RBFOX1: variants seen among roughly 807,000 people sequenced by gnomAD.
RBFOX1 encodes RNA binding protein fox-1 homolog 1.
A neutral mutation model predicts 57.7 loss-of-function variants in RBFOX1; 8 were observed. The ratio of observed to expected loss-of-function variants is 0.14; its 90% confidence interval spans 0.08 to 0.25. The LOEUF (loss-of-function observed/expected upper bound fraction) is 0.25, where lower values mean the gene tolerates loss of function less well. Among genes scored for constraint, RBFOX1 ranks in the 10% least tolerant of loss-of-function variants. The pLI is 1.00. For missense variants in RBFOX1, 611 were observed against 548.5 expected (o/e 1.11, Z -1.14); for synonymous variants, 326 against 222.4 (o/e 1.47, Z -4.15).
At chr16:5,879,715 C>G (rs541040349) in intron 4 of RBFOX1, among the ~76,000 whole-genome samples, 126 of 152,276 alleles carry the variant, frequency 8.3e-4, no homozygotes, top group Non-Finnish European at 1.6e-3. Context: ...ATGGCCTACC[C>G]AAAGAGGCTT....
At chr16:7,710,292 G>A in intron 15 of RBFOX1, 2 of 1,140,212 alleles carry the variant, frequency 1.8e-6, no homozygotes, top group African/African-American at 1.6e-5. Context: ...TTCAACAACT[G>A]GTCCAAATTC....
At chr16:7,122,488 A>G (rs2067410369) in intron 4 of RBFOX1, among the ~76,000 whole-genome samples, 1 of 152,172 alleles carries the variant, frequency 6.6e-6, no homozygotes, top group South Asian at 2.1e-4. Flanking sequence ...ATCATTAGCT[A>G]TTCAGCAAGT....
intron 4 of RBFOX1, among the ~76,000 whole-genome samples, chr16:7,496,759 A>AAAAAAAAAAAG (rs1555517577): frequency 6.6e-6 from 1 of 151,538 alleles, no homozygotes; most frequent in Non-Finnish European, 1.5e-5. Context: ...AAAAAAAAAA[A>AAAAAAAAAAAG]CAGTTTGCAT....
At chr16:6,907,854 A>T (rs1428214408) in intron 3 of RBFOX1, among the ~76,000 whole-genome samples, 1 of 151,672 alleles carries the variant, frequency 6.6e-6, no homozygotes, top group Non-Finnish European at 1.5e-5. Flanking sequence ...GATTACAGGC[A>T]TGAGCCCCCA....
At chr16:7,698,202 G>GTT (rs1460783860) in intron 14 of RBFOX1, among the ~76,000 whole-genome samples, 1 of 146,174 alleles carries the variant, frequency 6.8e-6, no homozygotes, top group African/African-American at 2.5e-5. Context: ...GTGTGTGTGT[G>GTT]TGTGTGTGTG....
chr16:7,077,902 T>C (rs2153790955), intron 4 of RBFOX1, among the ~76,000 whole-genome samples: 1 of 152,294 alleles, frequency 6.6e-6, no homozygotes, highest in Non-Finnish European at 1.5e-5. Context: ...GAGATTGTGC[T>C]TTTATTGAGG....
intron 4 of RBFOX1, among the ~76,000 whole-genome samples, chr16:7,494,449 G>A (rs2067933507): frequency 6.6e-6 from 1 of 152,010 alleles, no homozygotes; most frequent in Non-Finnish European, 1.5e-5. Context: ...TCCCAGGCTG[G>A]GTTTGATGGA....
chr16:7,427,264 T>C (rs1479880245), intron 4 of RBFOX1, among the ~76,000 whole-genome samples: 1 of 152,078 alleles, frequency 6.6e-6, no homozygotes, highest in Non-Finnish European at 1.5e-5. Flanking sequence ...TAAAGTATAA[T>C]AAAAATTAAT....
chr16:6,074,088 A>G (rs992525463), intron 1 of RBFOX1, among the ~76,000 whole-genome samples: 1 of 152,096 alleles, frequency 6.6e-6, no homozygotes, highest in African/African-American at 2.4e-5. Flanking sequence ...AGCTGGGACT[A>G]TAGGCGCCCG....
chr16:5,530,487 T>C (rs771477022), intron 2 of RBFOX1, among the ~76,000 whole-genome samples: 1 of 152,174 alleles, frequency 6.6e-6, no homozygotes, highest in Non-Finnish European at 1.5e-5. Flanking sequence ...CTCTACCCTA[T>C]AAAGTCTTCA....
chr16:6,659,285 C>T (rs751834012), intron 3 of RBFOX1, among the ~76,000 whole-genome samples: 5 of 151,852 alleles, frequency 3.3e-5, no homozygotes, highest in Admixed American at 1.3e-4. Context: ...TATCGCCTGG[C>T]CTGGTGCAGC....
chr16:7,310,038 C>A (rs1421122257), intron 4 of RBFOX1, among the ~76,000 whole-genome samples: 1 of 152,246 alleles, frequency 6.6e-6, no homozygotes, highest in Non-Finnish European at 1.5e-5. Flanking sequence ...TGGCTGTTGG[C>A]ATGATGCAGC....
intron 10 of RBFOX1, among the ~76,000 whole-genome samples, chr16:7,619,328 G>A (rs1474185009): frequency 6.6e-6 from 1 of 152,110 alleles, no homozygotes; most frequent in East Asian, 1.9e-4. Flanking sequence ...ATTTTCACTA[G>A]CTGAAATATT....
At chr16:7,322,282 A>T (rs952318212) in intron 4 of RBFOX1, among the ~76,000 whole-genome samples, 3 of 152,212 alleles carry the variant, frequency 2.0e-5, no homozygotes, top group Admixed American at 2.0e-4. Flanking sequence ...GTGCCTTAGC[A>T]CCTGCCCCAT....
rs150208782 is a variant in RBFOX1 at position 6,854,950 on chromosome 16, C to T, written c.-15-197107C>T. Among the ~76,000 whole-genome samples the T allele has an allele frequency of 2.2e-4, 34 of 151,972 alleles. No homozygotes were observed. In the East Asian group the frequency reaches 6.4e-3, roughly 29 times the overall value. On this transcript the variant is annotated intron_variant, in intron 3 of 15. Coordinates refer to ENST00000550418, the MANE Select transcript of RBFOX1 (RefSeq NM_018723.4). ...TATGACAGAGGAGAACTTTGATCAC[C>T]GAGATTAGAATCCCTTGTTAATGCT...
chr16:6,040,549 A>ATTCATTCT (rs1555484370), intron 1 of RBFOX1, among the ~76,000 whole-genome samples: 1 of 151,158 alleles, frequency 6.6e-6, no homozygotes, highest in Admixed American at 6.6e-5. Flanking sequence ...TGAATTAATC[A>ATTCATTCT]TTCTTTCTTT....
intron 4 of RBFOX1, among the ~76,000 whole-genome samples, chr16:7,508,816 T>C (rs1277431346): frequency 6.6e-6 from 1 of 152,208 alleles, no homozygotes; most frequent in African/African-American, 2.4e-5. Flanking sequence ...AATTACAACT[T>C]TATTCACTTC....
intron 1 of RBFOX1, among the ~76,000 whole-genome samples, chr16:6,243,179 T>C (rs892156053): frequency 5.9e-5 from 9 of 152,024 alleles, no homozygotes; most frequent in African/African-American, 2.2e-4. Flanking sequence ...TATGTACAGT[T>C]TCCTCTAGGA....
At chr16:5,390,167 A>T (rs920244286) in intron 1 of RBFOX1, among the ~76,000 whole-genome samples, 50 of 152,248 alleles carry the variant, frequency 3.3e-4, no homozygotes, top group African/African-American at 1.2e-3. Flanking sequence ...TTTGCTCTTG[A>T]CAACTTTTAA....
Sources: gnomAD v4.1 joint callset for allele counts (sites outside exome capture counted in the v4.1 genomes callset) on GRCh38, gnomAD v4.1.1 for gene constraint, MANE v1.5 for transcripts, NCBI Gene and HGNC (gene_info 2026-07-23, HGNC 2026-07-21) for gene names.